Variants in AKR1A1 observed in about 807,000 individuals in gnomAD.
AKR1A1 encodes HEL-S-165mP.
AKR1A1 carries 26 observed loss-of-function variants against 39.2 expected under a neutral mutation model. The ratio of observed to expected loss-of-function variants is 0.66; its 90% CI spans 0.49 to 0.92. AKR1A1 has a LOEUF of 0.92. Ranked by LOEUF, AKR1A1 falls within the 40% of genes least tolerant of loss-of-function variation. The pLI, the probability that AKR1A1 is intolerant of heterozygous loss-of-function variation, is 0.00. For synonymous variants in AKR1A1, 141 were observed against 155.5 expected, an observed-to-expected ratio of 0.91 and a Z score of 0.69; for missense variants, 378 against 406.5, an observed-to-expected ratio of 0.93 and a Z score of 0.60.
chr1:45,557,707 C>T (rs1490433494), intron 1 of AKR1A1, among the ~76,000 whole-genome samples: 1 of 152,122 alleles, frequency 6.6e-6, no homozygotes, highest in African/African-American at 2.4e-5. Flanking sequence ...CAAGTCCAGA[C>T]TTGCTTGCTT....
intron 8 of AKR1A1, among the ~76,000 whole-genome samples, 172 bp downstream of exon 8, chr1:45,569,401 TG>T (rs1183411787): frequency 2.0e-5 from 3 of 152,152 alleles, no homozygotes; most frequent in African/African-American, 7.2e-5. Flanking sequence ...GGAAGTAGTA[TG>T]GCTCAGGGAT....
At chr1:45,565,728 T>C (rs1220005963) in intron 2 of AKR1A1, among the ~76,000 whole-genome samples, 1 of 150,678 alleles carries the variant, frequency 6.6e-6, no homozygotes, top group Non-Finnish European at 1.5e-5. Flanking sequence ...ACCTGCCTCT[T>C]CTTCCCAAAG....
Position 45,569,923 on chromosome 1 carries a change from G to A in AKR1A1, c.945G>A (p.Gly315=), listed in dbSNP as rs1570921976. 6.2e-7 allele frequency: 1 copy of A among 1,614,136 alleles called. No homozygotes were observed. Among genetic ancestry groups the A allele is most frequent in the Non-Finnish European group, 8.5e-7 (1 of 1,180,002 alleles). The change falls in exon 9 of 9, where the codon GGG becomes GGA. Residue 315 remains glycine (G), a synonymous_variant. Coordinates refer to ENST00000351829, the MANE Select transcript of AKR1A1 (RefSeq NM_153326.3). ...VDGKRVPRDA[G]HPLYPFNDPY ...GGAAGAGAGTCCCAAGGGATGCAGG[G>A]CATCCTCTGTACCCCTTTAATGACC...
chr1:45,559,038 C>G (rs1044717735), intron 1 of AKR1A1, among the ~76,000 whole-genome samples: 1 of 152,136 alleles, frequency 6.6e-6, no homozygotes, highest in African/African-American at 2.4e-5. Flanking sequence ...AGCTCCTGTT[C>G]AGTTATTCTT....
chr1:45,560,605 G>A (rs1376246661), intron 1 of AKR1A1, among the ~76,000 whole-genome samples: 2 of 152,144 alleles, frequency 1.3e-5, no homozygotes, highest in African/African-American at 4.8e-5. Context: ...ACCAGACCCT[G>A]AGTCTAAAAA....
intron 1 of AKR1A1, among the ~76,000 whole-genome samples, chr1:45,560,175 G>A (rs904456915): frequency 3.9e-5 from 6 of 152,046 alleles, no homozygotes; most frequent in African/African-American, 1.4e-4. Context: ...TGGTAGAAAT[G>A]GGGTTTCACT....
At chr1:45,555,518 C>G (rs1227606236) in intron 1 of AKR1A1, among the ~76,000 whole-genome samples, 2 of 152,064 alleles carry the variant, frequency 1.3e-5, no homozygotes, top group South Asian at 4.1e-4. Context: ...ACCTATTTAC[C>G]TAGCATTTAG....
chr1:45,558,895 A>G (rs1293039938), intron 1 of AKR1A1, among the ~76,000 whole-genome samples: 1 of 152,192 alleles, frequency 6.6e-6, no homozygotes, highest in Non-Finnish European at 1.5e-5. Context: ...GATTATATTT[A>G]TAAAGATATT....
Position 45,557,232 on chromosome 1 carries a change from T to C in AKR1A1, c.-6-4557T>C, listed in dbSNP as rs549323289. On this transcript the variant is annotated intron_variant, in intron 1 of 8. Transcript: ENST00000351829. ...AAAAGATAACATGAGGGTTTCTGAATGCTGCCAAAGGTCCAGATAGGCAGT... is the reference window on the plus strand; with the variant it reads ...AAAAGATAACATGAGGGTTTCTGAACGCTGCCAAAGGTCCAGATAGGCAGT... 4.6e-5 allele frequency among the ~76,000 whole-genome samples: 7 copies of C among 152,028 alleles called. No individual in the cohort carries two copies. In the South Asian group the frequency reaches 1.2e-3, roughly 27 times the overall value.
In AKR1A1 at chr1:45,551,600, A is replaced by G. The variant is rs143759641; in HGVS notation, c.-7+445A>G. Among the ~76,000 whole-genome samples, 1,441 of 152,244 alleles carry G rather than the reference A, an allele frequency of 9.5e-3. 12 individuals are homozygous for G. The highest frequency in any genetic ancestry group is 0.014 in the Non-Finnish European group (932 of 68,022). ...TGGGTCTGAGAAAGTCTGACATGTT[A>G]TTCTGTTGCCCCAGAACTCTGTTAA... On this transcript the variant is annotated intron_variant, in intron 1 of 8. Transcript: ENST00000351829.
chr1:45,569,797 G>A (rs1644391199), intron 8 of AKR1A1, 94 bp from the exon 9 acceptor site: 6 of 1,084,646 alleles, frequency 5.5e-6, no homozygotes, highest in Non-Finnish European at 8.4e-6. Flanking sequence ...GCTGTACACA[G>A]GTGAGTTTGT....
intron 1 of AKR1A1, among the ~76,000 whole-genome samples, chr1:45,557,255 A>C (rs2148292591): frequency 6.6e-6 from 1 of 152,168 alleles, no homozygotes; most frequent in Non-Finnish European, 1.5e-5. Flanking sequence ...CCAGATAGGC[A>C]GTTCCTGACA....
At chr1:45,560,156 TG>T (rs1644259732) in intron 1 of AKR1A1, among the ~76,000 whole-genome samples, 1 of 152,138 alleles carries the variant, frequency 6.6e-6, no homozygotes. Context: ...AGCTAATTTT[TG>T]TATTTTTTGG....
chr1:45,566,522 A>G, intron 2 of AKR1A1, 47 bp from the exon 3 acceptor site: 3 of 1,609,954 alleles, frequency 1.9e-6, no homozygotes, highest in Non-Finnish European at 2.5e-6. Context: ...TGACAGTAGA[A>G]GGCTGAAACC....
chr1:45,568,503 T>G lies in AKR1A1; in HGVS notation c.571T>G (p.Leu191Val). 3 of 1,613,762 alleles carry G rather than the reference T, an allele frequency of 1.9e-6. No individual in the cohort carries two copies. The highest frequency in any genetic ancestry group is 2.5e-6 in the Non-Finnish European group (3 of 1,180,022). ...GGCTCAGGTGGAATGCCACCCATAC[T>G]TGGCTCAAAATGAGCTAATTGCCCA... Reference protein sequence around the residue: ...AVLQVECHPYLAQNELIAHCQ... With the variant: ...AVLQVECHPYVAQNELIAHCQ... The change falls in exon 6 of 9, where the codon TTG (leucine) becomes GTG (valine). Residue 191 changes from leucine to valine, a missense_variant. By Grantham distance (32) the Leu-to-Val change is conservative. Transcript: ENST00000351829.
chr1:45,561,850 T>C lies in AKR1A1; in HGVS notation c.56T>C (p.Leu19Pro). ...GGGCAGAAGATGCCTCTGATTGGTC[T>C]GGGTACCTGGAAGAGTGAGCCTGGT... ...HTGQKMPLIG[L>P]GTWKSEPGQV... Residue 19 changes from leucine to proline, a missense_variant, in exon 2 of 9, where the codon CTG (leucine) becomes CCG (proline). Transcript: ENST00000351829. 1 of 1,614,138 alleles carries C rather than the reference T, an allele frequency of 6.2e-7. No homozygotes were observed. The highest frequency in any genetic ancestry group is 8.5e-7 in the Non-Finnish European group (1 of 1,180,012).
chr1:45,566,732 G>A (rs574756052), intron 3 of AKR1A1, 44 bp downstream of exon 3: 9 of 1,609,098 alleles, frequency 5.6e-6, no homozygotes, highest in Admixed American at 1.7e-5. Context: ...AGAGAACTTA[G>A]AAGCTGAAGC....
intron 2 of AKR1A1, 77 bp from the exon 3 acceptor site, chr1:45,566,492 C>A (rs1406962979): frequency 6.3e-7 from 1 of 1,580,058 alleles, no homozygotes; most frequent in African/African-American, 1.4e-5. Flanking sequence ...CCCCTTCCCC[C>A]AGCATTGACC....
chr1:45,560,352 C>T (rs763067282), intron 1 of AKR1A1, among the ~76,000 whole-genome samples: 2 of 152,150 alleles, frequency 1.3e-5, no homozygotes, highest in Non-Finnish European at 2.9e-5. Flanking sequence ...GTGGCTCATA[C>T]CTGTAATCCC....
Sources: gnomAD v4.1 joint callset for allele counts (sites outside exome capture counted in the v4.1 genomes callset) on GRCh38, gnomAD v4.1.1 for gene constraint, MANE v1.5 for transcripts, NCBI Gene and HGNC (gene_info 2026-07-23, HGNC 2026-07-21) for gene names.